Variants in KCNA6 observed in about 807,000 individuals in gnomAD.
KCNA6 encodes the protein human brain potassium channel-2.
Under a neutral mutation model 29.5 loss-of-function variants are expected in KCNA6, and 17 were observed. The observed-to-expected ratio is 0.58, with a 90% CI of 0.39 to 0.86. The LOEUF (loss-of-function observed/expected upper bound fraction) is 0.86, where lower values mean the gene tolerates loss of function less well. Ranked by LOEUF, KCNA6 falls within the 40% of genes least tolerant of loss-of-function variation. KCNA6 has a pLI of 0.00. For missense variants in KCNA6, 450 were observed against 703.4 expected (o/e 0.64, Z 4.07); for synonymous variants, 296 against 304.7 (o/e 0.97, Z 0.30).
chr12:4,832,454 G>A, the KCNA6 span, among the ~76,000 whole-genome samples: 55 of 152,008 alleles, frequency 3.6e-4, no homozygotes, highest in East Asian at 9.5e-3. Context: ...GTTATGGGGC[G>A]GTGGCCTGAT....
At chr12:4,849,701 G>A in the KCNA6 span, among the ~76,000 whole-genome samples, 5 of 152,058 alleles carry the variant, frequency 3.3e-5, no homozygotes, top group East Asian at 9.6e-4. Flanking sequence ...ATGGACCTTT[G>A]GGCTTGCTCC....
the KCNA6 span, among the ~76,000 whole-genome samples, chr12:4,822,772 T>C: frequency 6.6e-6 from 1 of 152,222 alleles, no homozygotes; most frequent in African/African-American, 2.4e-5. Context: ...TTGTGTGGCT[T>C]TCCTGATAAT....
At chr12:4,834,841 A>G in the KCNA6 span, among the ~76,000 whole-genome samples, 1 of 152,162 alleles carries the variant, frequency 6.6e-6, no homozygotes, top group Non-Finnish European at 1.5e-5. Flanking sequence ...GTGAGAGAAC[A>G]AGACCCAAAA....
At chr12:4,831,622 A>G in the KCNA6 span, among the ~76,000 whole-genome samples, 1 of 152,180 alleles carries the variant, frequency 6.6e-6, no homozygotes, top group Non-Finnish European at 1.5e-5. Context: ...CTGAGTGATG[A>G]CTTGATTGGC....
At chr12:4,818,941 CACACAT>C in the KCNA6 span, among the ~76,000 whole-genome samples, 1 of 152,020 alleles carries the variant, frequency 6.6e-6, no homozygotes, top group Non-Finnish European at 1.5e-5. Context: ...CACAAAAACA[CACACAT>C]ACACATATAT....
At chr12:4,818,311 G>T (rs11063348), downstream of KCNA6, among the ~76,000 whole-genome samples, 1 of 152,286 alleles carries the variant, frequency 6.6e-6, no homozygotes, top group South Asian at 2.1e-4. Context: ...GACATCGTGC[G>T]ATTTAACAAA....
chr12:4,828,958 G>A, the KCNA6 span, among the ~76,000 whole-genome samples: 36 of 152,222 alleles, frequency 2.4e-4, no homozygotes, highest in African/African-American at 7.9e-4. Flanking sequence ...CATCCTCTTC[G>A]TCCTCCCATT....
exon 1 of KCNA6, chr12:4,809,677 C>G (rs935735802): frequency 2.4e-5 from 5 of 211,848 alleles, no homozygotes; most frequent in Non-Finnish European, 4.6e-5. Context: ...GAGGGCGGAC[C>G]TCTGCGTCCG....
exon 1 of KCNA6, chr12:4,812,481 C>G (rs1023698658): frequency 6.0e-6 from 1 of 167,132 alleles, no homozygotes; most frequent in Non-Finnish European, 1.5e-5. Context: ...AATGTCTGAG[C>G]AGAGTCAAGC....
chr12:4,825,095 C>T, the KCNA6 span, among the ~76,000 whole-genome samples: 1 of 152,208 alleles, frequency 6.6e-6, no homozygotes, highest in East Asian at 1.9e-4. Context: ...CACCCTTTGT[C>T]AGGATGTTTT....
the KCNA6 span, among the ~76,000 whole-genome samples, chr12:4,840,053 A>G: frequency 1.3e-5 from 2 of 152,196 alleles, no homozygotes; most frequent in Admixed American, 6.5e-5. Flanking sequence ...ATGGATGGCT[A>G]TGGTAAGAGG....
the KCNA6 span, among the ~76,000 whole-genome samples, chr12:4,827,190 T>TTCCTTCCTTCCCTCCTTCCTTCCTTCC: frequency 1.2e-5 from 1 of 80,050 alleles, no homozygotes; most frequent in African/African-American, 6.0e-5. Flanking sequence ...CCTTCCCTCC[T>TTCCTTCCTTCCCTCCTTCCTTCCTTCC]TCCTTCCTTC....
chr12:4,834,229 C>A, the KCNA6 span, among the ~76,000 whole-genome samples: 1 of 152,126 alleles, frequency 6.6e-6, no homozygotes, highest in African/African-American at 2.4e-5. Flanking sequence ...GCCACCATGC[C>A]CAGCCAGCCT....
the KCNA6 span, among the ~76,000 whole-genome samples, chr12:4,840,876 G>A: frequency 6.6e-6 from 1 of 152,176 alleles, no homozygotes; most frequent in Non-Finnish European, 1.5e-5. Context: ...ATTCTCAATT[G>A]TATTATATTG....
At chr12:4,828,017 A>G in the KCNA6 span, among the ~76,000 whole-genome samples, 1 of 152,254 alleles carries the variant, frequency 6.6e-6, no homozygotes, top group Non-Finnish European at 1.5e-5. Flanking sequence ...AGAAAAGTAT[A>G]AGGGAGAAAA....
chr12:4,816,544 T>A (rs1946684340), downstream of KCNA6, among the ~76,000 whole-genome samples: 1 of 152,120 alleles, frequency 6.6e-6, no homozygotes, highest in African/African-American at 2.4e-5. Flanking sequence ...TCCCACAAAC[T>A]AAAAACCCCA....
chr12:4,825,840 G>A, the KCNA6 span, among the ~76,000 whole-genome samples: 1 of 152,210 alleles, frequency 6.6e-6, no homozygotes, highest in East Asian at 1.9e-4. Flanking sequence ...AGGCAAATGA[G>A]GTCGTCTGCA....
the KCNA6 span, among the ~76,000 whole-genome samples, chr12:4,849,009 A>C: frequency 1.4e-5 from 2 of 137,958 alleles, no homozygotes; most frequent in African/African-American, 2.7e-5. Flanking sequence ...AATCCCGGCT[A>C]CTCGGGAGGC....
the KCNA6 span, among the ~76,000 whole-genome samples, chr12:4,837,132 C>T: frequency 8.3e-4 from 126 of 152,270 alleles, no homozygotes; most frequent in Non-Finnish European, 1.5e-3. Context: ...GTGGTTAAAT[C>T]AATCATGCCT....
Sources: gnomAD v4.1 joint callset for allele counts (sites outside exome capture counted in the v4.1 genomes callset) on GRCh38, gnomAD v4.1.1 for gene constraint, MANE v1.5 for transcripts, NCBI Gene and HGNC (gene_info 2026-07-23, HGNC 2026-07-21) for gene names.